The following TMEM181 variants were observed in gnomAD, a reference collection of about 807,000 sequenced individuals.
TMEM181 encodes G protein-coupled receptor 178.
In TMEM181, 39 loss-of-function variants were observed where a neutral mutation model predicts 71.9. The observed-to-expected ratio is 0.54, with a 90% CI of 0.42 to 0.71. TMEM181 has a LOEUF of 0.71. TMEM181 is among the 30% of genes least tolerant of loss of function. The pLI, the probability that TMEM181 is intolerant of heterozygous loss-of-function variation, is 0.00. For missense variants in TMEM181, 595 were observed against 583.0 expected (o/e 1.02, Z -0.21); for synonymous variants, 245 against 228.8 (o/e 1.07, Z -0.64).
intron 6 of TMEM181, among the ~76,000 whole-genome samples, chr6:158,594,302 T>A (rs1784275573): frequency 1.3e-5 from 2 of 152,014 alleles, no homozygotes; most frequent in Non-Finnish European, 2.9e-5. Context: ...TTTCACCATG[T>A]TGGCCAGGCT....
chr6:158,609,272 C>T (rs908464717), intron 10 of TMEM181, among the ~76,000 whole-genome samples: 1 of 152,028 alleles, frequency 6.6e-6, no homozygotes, highest in Non-Finnish European at 1.5e-5. Context: ...AGTACTGATC[C>T]TTATATATAG....
rs1223873274 is a variant in TMEM181 at position 158,624,972 on chromosome 6, C to A, written c.955-132C>A. ...TGGTCCCGGCTGGGAGCCCATTGTT[C>A]TGCTTCCTGGAGGGACCTTCAGGGT... On this transcript the variant is annotated intron_variant, in intron 11 of 16. Coordinates refer to ENST00000684151, the MANE Select transcript of TMEM181 (RefSeq NM_001376852.1). 35 of 739,282 alleles carry A rather than the reference C, an allele frequency of 4.7e-5. 1 individual carries two copies. The East Asian group carries it at 8.4e-4, about 18-fold the overall frequency. The allele number at this position is 739,282 out of a possible 1,614,324, so 45.8% of individuals were successfully genotyped here.
At chr6:158,545,175 C>T (rs1781487827) in intron 1 of TMEM181, among the ~76,000 whole-genome samples, 2 of 152,358 alleles carry the variant, frequency 1.3e-5, no homozygotes, top group African/African-American at 2.4e-5. Flanking sequence ...CCAGCGTTCC[C>T]GCTACACCCC....
intron 1 of TMEM181, among the ~76,000 whole-genome samples, chr6:158,561,437 A>G (rs1326224707): frequency 6.6e-6 from 1 of 152,202 alleles, no homozygotes; most frequent in African/African-American, 2.4e-5. Context: ...GCCTATGTAA[A>G]TAATACTGCT....
intron 1 of TMEM181, among the ~76,000 whole-genome samples, chr6:158,568,009 A>G (rs532179896): frequency 1.5e-4 from 23 of 152,130 alleles, no homozygotes; most frequent in African/African-American, 5.5e-4. Flanking sequence ...GCACAAAGGA[A>G]GGTGCGTTTG....
At position 158,608,482 on chromosome 6, in the gene TMEM181, C is replaced by T. The variant is rs1453937311; in HGVS notation, c.804+19C>T. 1.9e-6 allele frequency: 3 copies of T among 1,614,046 alleles called. No individual in the cohort carries two copies. The highest frequency in any genetic ancestry group is 2.2e-5 in the East Asian group (1 of 44,900). ...TGTCCAGGTGAGCCGGAGCCGCCCT[C>T]ACTGCCGGGGGAGGTTCCAGACTGT... On this transcript the variant is annotated intron_variant, in intron 9 of 16. Transcript: ENST00000684151.
intron 13 of TMEM181, among the ~76,000 whole-genome samples, chr6:158,628,036 G>A (rs931928341): frequency 6.6e-6 from 1 of 152,184 alleles, no homozygotes; most frequent in Non-Finnish European, 1.5e-5. Context: ...TCGGGAGAGG[G>A]GCTCTGTCAC....
chr6:158,590,373 C>CT (rs956225126), intron 6 of TMEM181, among the ~76,000 whole-genome samples: 34 of 108,938 alleles, frequency 3.1e-4, no homozygotes, highest in African/African-American at 1.5e-3. Context: ...TAATGGATAC[C>CT]TTCAAAAAAA....
chr6:158,544,119 G>A (rs1401061573), intron 1 of TMEM181, among the ~76,000 whole-genome samples: 1 of 151,902 alleles, frequency 6.6e-6, no homozygotes, highest in Non-Finnish European at 1.5e-5. Flanking sequence ...CCCGGCAGAG[G>A]TGTCTGAAAC....
In TMEM181 at chr6:158,573,523, G is replaced by T; in HGVS notation, c.112G>T (p.Gly38Ter). 6.3e-7 allele frequency: 1 copy of T among 1,599,152 alleles called. No homozygotes were observed. Among genetic ancestry groups the T allele is most frequent in the East Asian group, 2.3e-5 (1 of 44,044 alleles). ...FGLTIFVGIR[G>*]PKVIQTSAAN... ...CCTGACCATCTTCGTTGGGATCAGAGGTAAGGTTCGGTTTTTACTCATTGA... is the reference window on the plus strand; with the variant it reads ...CCTGACCATCTTCGTTGGGATCAGATGTAAGGTTCGGTTTTTACTCATTGA... The change falls in exon 2 of 17, where the codon GGA becomes TGA. Residue 38 changes from glycine to a stop codon, truncating the protein, a stop_gained and splice_region_variant. Transcript: ENST00000684151. LOFTEE classifies it high-confidence loss of function.
intron 10 of TMEM181, chr6:158,610,781 T>A (rs1785256161): frequency 3.2e-6 from 1 of 313,714 alleles, no homozygotes; most frequent in Non-Finnish European, 6.0e-6. Flanking sequence ...TCATTGCTGC[T>A]GCTGCTCACA....
At chr6:158,563,787 T>C (rs560321289) in intron 1 of TMEM181, among the ~76,000 whole-genome samples, 15 of 152,232 alleles carry the variant, frequency 9.9e-5, no homozygotes, top group Non-Finnish European at 1.9e-4. Context: ...GGTTAGGCCT[T>C]GAATGTTCAC....
Position 158,634,011 on chromosome 6 carries a change from C to T in TMEM181, c.*2123C>T, listed in dbSNP as rs1786803663. On this transcript the variant is annotated 3_prime_UTR_variant, in exon 17 of 17. Coordinates refer to ENST00000684151, the MANE Select transcript of TMEM181 (RefSeq NM_001376852.1). ...AAAATATTTGAGGCATTTAGCCATA[C>T]ACACACTAGAACTTTTTAAAACTTT... 6.6e-6 allele frequency: 1 copy of T among 152,188 alleles called. No homozygotes were observed. Among genetic ancestry groups the T allele is most frequent in the African/African-American group, 2.4e-5 (1 of 41,440 alleles). The allele number at this position is 152,188 out of a possible 1,614,324, so 9.4% of individuals were successfully genotyped here.
At chr6:158,586,037 G>A (rs775494012) in intron 5 of TMEM181, among the ~76,000 whole-genome samples, 10 of 152,170 alleles carry the variant, frequency 6.6e-5, no homozygotes, top group African/African-American at 9.7e-5. Flanking sequence ...GTTCCCAGCC[G>A]AGTGATGCAT....
intron 10 of TMEM181, chr6:158,611,801 C>A (rs1785330618): frequency 5.1e-6 from 1 of 195,600 alleles, no homozygotes; most frequent in African/African-American, 2.4e-5. Flanking sequence ...CCTGAGAGGG[C>A]CTTCTGGCCG....
chr6:158,626,108 T>G (rs1414571400), intron 13 of TMEM181, among the ~76,000 whole-genome samples: 2 of 152,212 alleles, frequency 1.3e-5, no homozygotes, highest in East Asian at 3.9e-4. Context: ...GACAGGACTC[T>G]AAGCGAGTTA....
chr6:158,571,906 C>T (rs974247755), intron 1 of TMEM181, among the ~76,000 whole-genome samples: 1 of 152,342 alleles, frequency 6.6e-6, no homozygotes, highest in African/African-American at 2.4e-5. Context: ...TCCTATGGCT[C>T]CTGGGCCTCT....
chr6:158,574,716 T>A (rs1176565065), intron 2 of TMEM181, among the ~76,000 whole-genome samples: 1 of 152,204 alleles, frequency 6.6e-6, no homozygotes, highest in Non-Finnish European at 1.5e-5. Context: ...AGAAACAGAA[T>A]CAATACGAAA....
At chr6:158,586,519 A>C (rs1783780817) in intron 5 of TMEM181, among the ~76,000 whole-genome samples, 1 of 152,236 alleles carries the variant, frequency 6.6e-6, no homozygotes, top group Non-Finnish European at 1.5e-5. Flanking sequence ...CCATTGCCCA[A>C]GGTAACGCAG....
Sources: gnomAD v4.1 joint callset for allele counts (sites outside exome capture counted in the v4.1 genomes callset) on GRCh38, gnomAD v4.1.1 for gene constraint, MANE v1.5 for transcripts, NCBI Gene and HGNC (gene_info 2026-07-23, HGNC 2026-07-21) for gene names.